TMEM163: variants seen among roughly 807,000 people sequenced by gnomAD.
The protein encoded by TMEM163 is transmembrane protein 163.
In TMEM163, 17 loss-of-function variants were observed where a neutral mutation model predicts 29.3. That is an observed-to-expected ratio of 0.58 (90% CI 0.40 to 0.87). The LOEUF (loss-of-function observed/expected upper bound fraction) is 0.87. Among genes scored for constraint, TMEM163 ranks in the 40% least tolerant of loss-of-function variants. The probability of loss-of-function intolerance (pLI) is 0.00; values close to 1 mark genes in which losing one functional copy is unlikely to be tolerated. For synonymous variants in TMEM163, 157 were observed against 160.6 expected, an observed-to-expected ratio of 0.98 and a Z score of 0.17; for missense variants, 303 against 381.5, an observed-to-expected ratio of 0.79 and a Z score of 1.71.
chr2:134,536,159 T>C (rs1680536410), intron 4 of TMEM163, among the ~76,000 whole-genome samples: 1 of 152,228 alleles, frequency 6.6e-6, no homozygotes, highest in Admixed American at 6.5e-5. Context: ...AGTTTCAACC[T>C]TAACCTAACA....
chr2:134,527,593 GC>G (rs1233802136), intron 4 of TMEM163, among the ~76,000 whole-genome samples: 1 of 152,122 alleles, frequency 6.6e-6, no homozygotes. Flanking sequence ...GTGACAGTGA[GC>G]CCAACACCAC....
chr2:134,619,248 C>T (rs1477241390), intron 2 of TMEM163, among the ~76,000 whole-genome samples: 1 of 152,126 alleles, frequency 6.6e-6, no homozygotes, highest in African/African-American at 2.4e-5. Context: ...GGAGCACTTT[C>T]CAACTAATTT....
intron 4 of TMEM163, among the ~76,000 whole-genome samples, chr2:134,513,468 G>A (rs185137484): frequency 1.1e-3 from 171 of 152,318 alleles, no homozygotes; most frequent in African/African-American, 3.4e-3. Flanking sequence ...GTTCCACGAC[G>A]GATCCAGCTG....
chr2:134,674,694 GA>G (rs1226228915), intron 2 of TMEM163, among the ~76,000 whole-genome samples: 1 of 151,870 alleles, frequency 6.6e-6, no homozygotes, highest in Non-Finnish European at 1.5e-5. Context: ...CTGACAAATA[GA>G]GCCAAAGAAG....
At chr2:134,661,540 G>A (rs1335893492) in intron 2 of TMEM163, among the ~76,000 whole-genome samples, 5 of 152,182 alleles carry the variant, frequency 3.3e-5, no homozygotes, top group South Asian at 2.1e-4. Flanking sequence ...GATGAAGATC[G>A]TGCAACCCTA....
chr2:134,502,961 T>C lies in TMEM163; in HGVS notation c.495A>G (p.Ser165=). Residue 165 remains serine (S), a synonymous_variant, in exon 5 of 8, where the codon TCA becomes TCG. Transcript: ENST00000281924. ...CVILGVIFLL[S]SICIVVKAIH... ...TGGCTTTGACCACTATACATATGGA[T>C]GACAGAAGGAATATCACCCCCAAGA... is the stretch of plus-strand genomic sequence containing the variant. 6 of 1,613,942 alleles carry C rather than the reference T, an allele frequency of 3.7e-6. No individual in the cohort carries two copies. Among genetic ancestry groups the C allele is most frequent in the Non-Finnish European group, 5.1e-6 (6 of 1,179,962 alleles).
intron 4 of TMEM163, among the ~76,000 whole-genome samples, chr2:134,536,535 A>T (rs957226914): frequency 2.6e-5 from 4 of 152,028 alleles, no homozygotes; most frequent in African/African-American, 9.7e-5. Flanking sequence ...ATGAATCCTC[A>T]CCCCACCAGC....
intron 1 of TMEM163, among the ~76,000 whole-genome samples, chr2:134,714,990 A>G (rs982604196): frequency 6.6e-6 from 1 of 152,178 alleles, no homozygotes; most frequent in Non-Finnish European, 1.5e-5. Context: ...CCTTTTCCCA[A>G]ATGATATAAA....
chr2:134,689,115 T>G (rs186108765), intron 2 of TMEM163, among the ~76,000 whole-genome samples: 57 of 150,098 alleles, frequency 3.8e-4, no homozygotes, highest in East Asian at 2.1e-3. Context: ...GTTTTGTTTT[T>G]TTTTTTTTTT....
At chr2:134,582,964 T>C (rs948553842) in intron 2 of TMEM163, among the ~76,000 whole-genome samples, 2 of 152,240 alleles carry the variant, frequency 1.3e-5, no homozygotes, top group African/African-American at 4.8e-5. Flanking sequence ...ATCTCTACTC[T>C]GGGACCATTC....
intron 5 of TMEM163, among the ~76,000 whole-genome samples, chr2:134,493,360 G>GTTTT (rs1484513661): frequency 2.0e-4 from 13 of 65,570 alleles, no homozygotes; most frequent in African/African-American, 8.9e-4. Flanking sequence ...AGCTTTTGGT[G>GTTTT]TCTTTTTTTT....
chr2:134,618,404 T>G (rs1682658162), intron 2 of TMEM163, among the ~76,000 whole-genome samples: 1 of 152,126 alleles, frequency 6.6e-6, no homozygotes, highest in Non-Finnish European at 1.5e-5. Flanking sequence ...CCAAAACACA[T>G]GTAGTCAAAA....
chr2:134,705,869 G>A (rs1007777048), intron 2 of TMEM163, among the ~76,000 whole-genome samples: 4 of 152,214 alleles, frequency 2.6e-5, no homozygotes, highest in African/African-American at 7.2e-5. Context: ...TGCCAGCAAG[G>A]ACCCAGGCAA....
At chr2:134,650,528 G>T (rs933973629) in intron 2 of TMEM163, among the ~76,000 whole-genome samples, 12 of 81,076 alleles carry the variant, frequency 1.5e-4, no homozygotes, top group Admixed American at 2.2e-4. Context: ...TTGTTTGTTT[G>T]TTTGTTTTGT....
intron 6 of TMEM163, among the ~76,000 whole-genome samples, chr2:134,465,189 TAAA>T (rs1181405890): frequency 1.7e-5 from 2 of 117,728 alleles, no homozygotes; most frequent in African/African-American, 3.7e-5. Flanking sequence ...TCCGCATCTT[TAAA>T]AAAAAAAAAA....
At chr2:134,488,578 A>T (rs1679364515) in intron 5 of TMEM163, among the ~76,000 whole-genome samples, 1 of 152,236 alleles carries the variant, frequency 6.6e-6, no homozygotes, top group East Asian at 1.9e-4. Context: ...TTTGGGACTC[A>T]GACTGGCTTC....
chr2:134,581,869 A>T (rs913558154), intron 2 of TMEM163, among the ~76,000 whole-genome samples: 1 of 152,198 alleles, frequency 6.6e-6, no homozygotes, highest in African/African-American at 2.4e-5. Context: ...CTGCCCTTGA[A>T]CCACTGATTC....
At chr2:134,475,821 A>T (rs999953159) in intron 5 of TMEM163, among the ~76,000 whole-genome samples, 7 of 152,212 alleles carry the variant, frequency 4.6e-5, no homozygotes, top group African/African-American at 1.4e-4. Context: ...ATTAAAAAAA[A>T]GAAAACACAT....
chr2:134,646,996 C>A (rs1046594380), intron 2 of TMEM163, among the ~76,000 whole-genome samples: 23 of 152,146 alleles, frequency 1.5e-4, no homozygotes, highest in African/African-American at 5.6e-4. Context: ...AATACACTGT[C>A]AACACTGACA....
Sources: gnomAD v4.1 joint callset for allele counts (sites outside exome capture counted in the v4.1 genomes callset) on GRCh38, gnomAD v4.1.1 for gene constraint, MANE v1.5 for transcripts, NCBI Gene and HGNC (gene_info 2026-07-23, HGNC 2026-07-21) for gene names.